Variants in AKR1D1 observed in about 807,000 individuals in gnomAD.
AKR1D1 encodes the protein delta(4)-3-ketosteroid 5-beta-reductase.
AKR1D1 carries 32 observed loss-of-function variants against 42.6 expected under a neutral mutation model. That is an observed-to-expected ratio of 0.75 (90% confidence interval 0.57 to 1.01). The LOEUF is 1.01. Among genes scored for constraint, AKR1D1 ranks in the 50% least tolerant of loss-of-function variants. AKR1D1 has a pLI of 0.00. For missense variants in AKR1D1, 364 were observed against 402.2 expected (o/e 0.91, Z 0.81); for synonymous variants, 123 against 135.5 (o/e 0.91, Z 0.64).
At chr7:138,104,194 A>G (rs1388859712) in intron 4 of AKR1D1, among the ~76,000 whole-genome samples, 1 of 152,142 alleles carries the variant, frequency 6.6e-6, no homozygotes, top group Non-Finnish European at 1.5e-5. Flanking sequence ...GATTTTTGAC[A>G]TATTCCTTTC....
chr7:138,092,623 C>G (rs951031337), intron 3 of AKR1D1, among the ~76,000 whole-genome samples: 1 of 152,198 alleles, frequency 6.6e-6, no homozygotes, highest in Admixed American at 6.5e-5. Context: ...TAGCCTATTA[C>G]AGACTTAGGC....
intron 3 of AKR1D1, among the ~76,000 whole-genome samples, chr7:138,093,862 A>G (rs1794135406): frequency 6.6e-6 from 1 of 152,204 alleles, no homozygotes; most frequent in African/African-American, 2.4e-5. Context: ...CAGCAACACC[A>G]CAAACATGAT....
At chr7:138,082,272 G>A (rs1803074549) in intron 1 of AKR1D1, among the ~76,000 whole-genome samples, 1 of 152,028 alleles carries the variant, frequency 6.6e-6, no homozygotes, top group Non-Finnish European at 1.5e-5. Flanking sequence ...TGCTGTGTTT[G>A]GTTCTTTCCT....
chr7:138,098,866 A>C (rs1323946832), intron 4 of AKR1D1, among the ~76,000 whole-genome samples: 1 of 152,040 alleles, frequency 6.6e-6, no homozygotes, highest in Non-Finnish European at 1.5e-5. Flanking sequence ...GTCCTTTTGC[A>C]CTTCCTTCAC....
intron 2 of AKR1D1, among the ~76,000 whole-genome samples, chr7:138,089,170 A>G (rs940004804): frequency 1.5e-4 from 23 of 152,048 alleles, no homozygotes; most frequent in African/African-American, 5.1e-4. Flanking sequence ...TAACATGGCA[A>G]AACCTTGTCT....
chr7:138,080,717 A>G lies in AKR1D1; in HGVS notation c.93+4106A>G, dbSNP rs7784629. Among the ~76,000 whole-genome samples, 80 of 152,294 alleles carry G rather than the reference A, an allele frequency of 5.3e-4. 1 individual carries two copies. Among genetic ancestry groups the G allele is most frequent in the African/African-American group, 1.9e-3 (79 of 41,566 alleles). ...TGCTCTTTGGATACCACTCATTTTG[A>G]TAACAGTGCCCACTTCACTTCTGAA... is the stretch of plus-strand genomic sequence containing the variant. On this transcript the variant is annotated intron_variant, in intron 1 of 8. Coordinates refer to ENST00000242375, the MANE Select transcript of AKR1D1 (RefSeq NM_005989.4).
At chr7:138,096,271 A>C (rs554099584) in intron 3 of AKR1D1, among the ~76,000 whole-genome samples, 1 of 151,554 alleles carries the variant, frequency 6.6e-6, no homozygotes, top group East Asian at 1.9e-4. Flanking sequence ...CTTTAAAAGA[A>C]AAAAAAAAGA....
At chr7:138,092,856 G>A (rs1252994250) in intron 3 of AKR1D1, among the ~76,000 whole-genome samples, 1 of 152,126 alleles carries the variant, frequency 6.6e-6, no homozygotes, top group East Asian at 1.9e-4. Flanking sequence ...CGGAGTAAGT[G>A]GTGAGTGAAT....
At position 138,107,429 on chromosome 7, in the gene AKR1D1, C is replaced by G. The variant is rs1173927246; in HGVS notation, c.704C>G (p.Ser235Cys). 1.9e-6 allele frequency: 3 copies of G among 1,614,036 alleles called. No homozygotes were observed. The African/African-American group carries it at 4.0e-5, about 22-fold the overall frequency. ...SRNPIWVNVS[S>C]PPLLKDALLN... ...ATATTTTTAAGGGTGAATGTTTCTT[C>G]TCCACCTTTGTTAAAGGATGCACTT... The change falls in exon 7 of 9, where the codon TCT becomes TGT. Residue 235 changes from serine (S) to cysteine (C), a missense_variant. Transcript: ENST00000242375.
Position 138,091,813 on chromosome 7 carries a change from G to A in AKR1D1, c.307G>A (p.Glu103Lys), listed in dbSNP as rs774806903. The change falls in exon 3 of 9, where the codon GAG (glutamate) becomes AAG (lysine). Residue 103 changes from glutamate to lysine, a missense_variant. Coordinates refer to ENST00000242375, the MANE Select transcript of AKR1D1 (RefSeq NM_005989.4). ...CCCAGAGATGGTCCGCCCAACCCTG[G>A]AGAGGACACTCAGGGTCCTCCAGCT... Reference protein sequence around the residue: ...HVPEMVRPTLERTLRVLQLDY... With the variant: ...HVPEMVRPTLKRTLRVLQLDY... 1.9e-6 allele frequency: 3 copies of A among 1,614,096 alleles called. No homozygotes were observed. The South Asian group carries it at 3.3e-5, about 18-fold the overall frequency.
At position 138,100,088 on chromosome 7, in the gene AKR1D1, C is replaced by CAAAAAAAAAAA. The variant is rs59361346; in HGVS notation, c.456+2165_456+2175dup. On this transcript the variant is annotated intron_variant, in intron 4 of 8. Coordinates refer to ENST00000242375, the MANE Select transcript of AKR1D1 (RefSeq NM_005989.4). ...TGGGCAATATAGCGAGATTTCATCT[C>CAAAAAAAAAAA]AAAAAAAAAAAAAAAAAAAAAAAAA... Among the ~76,000 whole-genome samples, 50 of 43,568 alleles carry CAAAAAAAAAAA rather than the reference C, an allele frequency of 1.1e-3. 1 individual carries two copies. Among genetic ancestry groups the CAAAAAAAAAAA allele is most frequent in the South Asian group, 1.7e-3 (1 of 594 alleles). 28.6% of individuals were successfully genotyped at this position (43,568 alleles called of 152,430 possible).
chr7:138,106,296 G>A (rs886507264), intron 5 of AKR1D1, among the ~76,000 whole-genome samples: 1 of 152,152 alleles, frequency 6.6e-6, no homozygotes, highest in Non-Finnish European at 1.5e-5. Context: ...ATAGACTGAT[G>A]TGTGTTTACT....
Position 138,117,863 on chromosome 7 carries a change from C to T in AKR1D1, c.*1201C>T, listed in dbSNP as rs1406526903. 6.6e-6 allele frequency: 1 copy of T among 151,956 alleles called. No homozygotes were observed. The highest frequency in any genetic ancestry group is 6.6e-5 in the Admixed American group (1 of 15,264). The allele number at this position is 151,956 out of a possible 1,614,324, so 9.4% of individuals were successfully genotyped here. On this transcript the variant is annotated 3_prime_UTR_variant, in exon 9 of 9. Transcript: ENST00000242375. ...TGAAACCCCGTCTCTACTAAAAATA[C>T]AAAAAATTAGCCAGGCGCGGTGGCG...
At chr7:138,108,111 T>C (rs1412178579) in intron 7 of AKR1D1, among the ~76,000 whole-genome samples, 1 of 152,236 alleles carries the variant, frequency 6.6e-6, no homozygotes, top group Non-Finnish European at 1.5e-5. Context: ...CTGGTAAAAG[T>C]TGAGGACAAA....
chr7:138,084,780 G>A (rs572286471), intron 1 of AKR1D1, among the ~76,000 whole-genome samples: 7 of 151,894 alleles, frequency 4.6e-5, no homozygotes, highest in East Asian at 3.9e-4. Flanking sequence ...AGTGTGGGCC[G>A]GGTGCAGTGG....
intron 3 of AKR1D1, among the ~76,000 whole-genome samples, chr7:138,097,036 C>G (rs1794197890): frequency 6.6e-6 from 1 of 152,124 alleles, no homozygotes; most frequent in African/African-American, 2.4e-5. Context: ...GGATTCCTAG[C>G]CCCAACCTCA....
At chr7:138,101,797 T>A (rs1794324095) in intron 4 of AKR1D1, among the ~76,000 whole-genome samples, 1 of 152,216 alleles carries the variant, frequency 6.6e-6, no homozygotes, top group Non-Finnish European at 1.5e-5. Context: ...CAAAATTCAA[T>A]GGAGAGATAT....
chr7:138,089,097 C>T (rs1260706404), intron 2 of AKR1D1, among the ~76,000 whole-genome samples: 1 of 152,196 alleles, frequency 6.6e-6, no homozygotes, highest in Admixed American at 6.5e-5. Context: ...CGCCTCTAAT[C>T]CGCACTTCGG....
chr7:138,081,378 C>T (rs1039773921), intron 1 of AKR1D1, among the ~76,000 whole-genome samples: 2 of 152,136 alleles, frequency 1.3e-5, no homozygotes, highest in Admixed American at 1.3e-4. Flanking sequence ...CACTCTCACA[C>T]ACACTCTCCA....
Sources: allele counts gnomAD v4.1 joint callset (sites outside exome capture counted in the v4.1 genomes callset), GRCh38; gene constraint gnomAD v4.1.1; transcripts MANE v1.5; gene names NCBI Gene and HGNC (gene_info 2026-07-23, HGNC 2026-07-21).